Variants in MGAT5B observed in about 807,000 individuals in gnomAD.
The protein encoded by MGAT5B is N-acetylglucosaminyl-transferase Vb.
Under a neutral mutation model 95.1 loss-of-function variants are expected in MGAT5B, and 54 were observed. That is an observed-to-expected ratio of 0.57 (90% CI 0.46 to 0.71). The LOEUF (loss-of-function observed/expected upper bound fraction) is 0.71, where lower values mean the gene tolerates loss of function less well. MGAT5B is among the 30% of genes least tolerant of loss of function. MGAT5B has a pLI of 0.00. For synonymous variants in MGAT5B, 464 were observed against 451.0 expected, an observed-to-expected ratio of 1.03 and a Z score of -0.36; for missense variants, 935 against 1,088.6, an observed-to-expected ratio of 0.86 and a Z score of 1.99.
intron 8 of MGAT5B, among the ~76,000 whole-genome samples, chr17:76,907,913 C>A (rs1386166933): frequency 6.6e-6 from 1 of 152,216 alleles, no homozygotes; most frequent in Non-Finnish European, 1.5e-5. Context: ...ATTATGGCTG[C>A]AACTTGCATT....
intron 4 of MGAT5B, 77 bp downstream of exon 4, chr17:76,902,747 T>A: frequency 1.6e-6 from 1 of 625,548 alleles, no homozygotes; most frequent in Non-Finnish European, 2.8e-6. Flanking sequence ...CCTGGGAGGG[T>A]GGGACACTTG....
intron 2 of MGAT5B, 84 bp from the exon 3 acceptor site, chr17:76,882,067 T>C: frequency 6.9e-7 from 1 of 1,457,412 alleles, no homozygotes. Flanking sequence ...GGGGCCAGCT[T>C]TGTCTGAGCT....
At chr17:76,882,642 CAT>C (rs1410743795) in intron 3 of MGAT5B, 1 of 187,780 alleles carries the variant, frequency 5.3e-6, no homozygotes, top group African/African-American at 2.4e-5. Flanking sequence ...ATTATAAATT[CAT>C]AGTGTGTGAT....
At chr17:76,895,858 A>G (rs1968046989) in intron 3 of MGAT5B, among the ~76,000 whole-genome samples, 1 of 152,212 alleles carries the variant, frequency 6.6e-6, no homozygotes, top group Non-Finnish European at 1.5e-5. Flanking sequence ...AATATATGAA[A>G]ATCACATTAA....
chr17:76,935,810 T>G (rs113592396), intron 12 of MGAT5B, among the ~76,000 whole-genome samples: 4 of 142,470 alleles, frequency 2.8e-5, no homozygotes, highest in Admixed American at 7.3e-5. Flanking sequence ...ATTATATATA[T>G]TATATAATTA....
At chr17:76,881,930 C>A (rs1395039904) in intron 2 of MGAT5B, among the ~76,000 whole-genome samples, 1 of 152,214 alleles carries the variant, frequency 6.6e-6, no homozygotes, top group Non-Finnish European at 1.5e-5. Flanking sequence ...ACGGGGCTGC[C>A]CAGGGCTCTG....
intron 15 of MGAT5B, among the ~76,000 whole-genome samples, chr17:76,942,203 G>A (rs1238953573): frequency 6.6e-6 from 1 of 152,212 alleles, no homozygotes; most frequent in African/African-American, 2.4e-5. Context: ...CTGGGCTGGT[G>A]GCTTAAGTTC....
intron 10 of MGAT5B, 58 bp from the exon 11 acceptor site, chr17:76,932,568 GCGGGGCAGTCCAGGGAGGC>G: frequency 6.3e-7 from 1 of 1,589,298 alleles, no homozygotes. Context: ...GACCTCTTGG[GCGGGGCAGTCCAGGGAGGC>G]CTGGGGCTGC....
chr17:76,929,714 G>T (rs1969422554), intron 10 of MGAT5B, among the ~76,000 whole-genome samples: 1 of 152,198 alleles, frequency 6.6e-6, no homozygotes, highest in Non-Finnish European at 1.5e-5. Flanking sequence ...GAAGTCATGA[G>T]CAGGCCTGTT....
Position 76,902,662 on chromosome 17 carries a change from A to G in MGAT5B, c.437A>G (p.His146Arg). Residue 146 changes from histidine (H) to arginine (R), a missense_variant, in exon 4 of 18, where the codon CAC (histidine) becomes CGC (arginine). Physicochemically the swap from His to Arg is conservative, Grantham distance 29. Transcript: ENST00000569840. ...DQILRHSLLL[H>R]SKVSEGRRDQ... ...ATCCTGCGCCACAGTCTGCTCCTGC[A>G]CAGCAAGGGTGGGTGCCAGGGGGCG... is the stretch of plus-strand genomic sequence containing the variant. 1 of 1,584,800 alleles carries G rather than the reference A, an allele frequency of 6.3e-7. No individual in the cohort carries two copies. Among genetic ancestry groups the G allele is most frequent in the Non-Finnish European group, 8.6e-7 (1 of 1,164,432 alleles).
intron 6 of MGAT5B, among the ~76,000 whole-genome samples, chr17:76,904,853 C>T (rs510629): frequency 0.23 from 34,537 of 152,032 alleles, 6,311 homozygotes; most frequent in African/African-American, 0.49. Context: ...ACGTCTGTCC[C>T]CTGCCATCGG....
In MGAT5B at chr17:76,912,108, A is replaced by G. The variant is rs140395141; in HGVS notation, c.1025+5921A>G. Reference sequence around the variant, plus strand: ...AGATTTCCCCTCCCTATAAGGACCTATTGGATTAGGGCCCACCCTAATGCC... The same window carrying G: ...AGATTTCCCCTCCCTATAAGGACCTGTTGGATTAGGGCCCACCCTAATGCC... On this transcript the variant is annotated intron_variant, in intron 8 of 17. Coordinates refer to ENST00000569840, the MANE Select transcript of MGAT5B (RefSeq NM_001199172.2). The surrounding 1 kb of genome is among the most constrained non-coding windows in gnomAD (Gnocchi z 5.0). Among the ~76,000 whole-genome samples the G allele has an allele frequency of 4.7e-3, 716 of 152,258 alleles. 2 individuals carry two copies. The highest frequency in any genetic ancestry group is 7.5e-3 in the Admixed American group (115 of 15,292).
At chr17:76,925,619 C>T (rs1203617950) in intron 9 of MGAT5B, among the ~76,000 whole-genome samples, 2 of 152,092 alleles carry the variant, frequency 1.3e-5, no homozygotes, top group Non-Finnish European at 2.9e-5. Context: ...GCTCCAGTCC[C>T]ATTGACGATC....
At chr17:76,871,898 T>C (rs1227210545) in intron 1 of MGAT5B, among the ~76,000 whole-genome samples, 1 of 152,100 alleles carries the variant, frequency 6.6e-6, no homozygotes, top group African/African-American at 2.4e-5. Flanking sequence ...GGGCCTAGGA[T>C]TGATGAGGGA....
Position 76,869,010 on chromosome 17 carries a change from C to G in MGAT5B, c.-20C>G. 32 of 1,613,246 alleles carry G rather than the reference C, an allele frequency of 2.0e-5. 1 individual carries two copies. The highest frequency in any genetic ancestry group is 2.7e-5 in the Non-Finnish European group (32 of 1,179,434). On this transcript the variant is annotated 5_prime_UTR_variant, in exon 1 of 18. Transcript: ENST00000569840. This position sits in a 1 kb window ranked among gnomAD's most constrained non-coding sequence, Gnocchi z 7.0. ...GCGTCCGGCCTCGCCCGCGGCTGCTCGCACCAACAAGTTTGAACAATGATC... is the reference window on the plus strand; with the variant it reads ...GCGTCCGGCCTCGCCCGCGGCTGCTGGCACCAACAAGTTTGAACAATGATC...
At chr17:76,895,086 C>G (rs540804003) in intron 3 of MGAT5B, among the ~76,000 whole-genome samples, 2 of 152,088 alleles carry the variant, frequency 1.3e-5, no homozygotes, top group African/African-American at 4.8e-5. Context: ...TCATCGCTCG[C>G]GTTACCACTT....
At chr17:76,925,276 C>T (rs531171104) in intron 9 of MGAT5B, among the ~76,000 whole-genome samples, 179 bp downstream of exon 9, 1 of 37,344 alleles carries the variant, frequency 2.7e-5, no homozygotes, top group Non-Finnish European at 5.4e-5. Context: ...GTCTGCCTCC[C>T]GGCTAACTCA....
At chr17:76,907,232 G>A (rs1322107504) in intron 8 of MGAT5B, among the ~76,000 whole-genome samples, 3 of 152,060 alleles carry the variant, frequency 2.0e-5, no homozygotes, top group Admixed American at 2.0e-4. Context: ...TGTGTTTTTA[G>A]TAGAGATGGG....
chr17:76,938,133 G>T lies in MGAT5B; in HGVS notation c.1574G>T (p.Arg525Leu). 6.2e-7 allele frequency: 1 copy of T among 1,614,064 alleles called. No homozygotes were observed. The highest frequency in any genetic ancestry group is 8.5e-7 in the Non-Finnish European group (1 of 1,180,002). ...LPQPEFQQLL[R>L]KAKLFIGFGF... The stretch of plus-strand genomic sequence containing the variant: ...CAGCCTGAGTTTCAGCAGCTGCTGC[G>T]CAAGGCCAAAGTGAGCTCCCATCCC... The change falls in exon 13 of 18, where the codon CGC becomes CTC. Residue 525 changes from arginine (R) to leucine (L), a missense_variant. Arg to Leu is a moderately radical substitution (Grantham distance 102, BLOSUM62 -2). Around this residue, in one of 4 missense-constraint regions of MGAT5B, gnomAD observed 440 missense variants for 523.6 expected, o/e 0.84. Transcript: ENST00000569840. The surrounding 1 kb of genome is among the most constrained non-coding windows in gnomAD (Gnocchi z 4.3).
Sources: allele counts gnomAD v4.1 joint callset (sites outside exome capture counted in the v4.1 genomes callset), GRCh38; gene constraint gnomAD v4.1.1; regional missense constraint gnomAD v4.1.1; non-coding constraint Gnocchi (gnomAD v3.1); transcripts MANE v1.5; gene names NCBI Gene and HGNC (gene_info 2026-07-23, HGNC 2026-07-21).